Variants in UCP2 observed in about 807,000 individuals in gnomAD.
UCP2 encodes uncoupling protein 2.
Under a neutral mutation model 31.3 loss-of-function variants are expected in UCP2, and 27 were observed. The ratio of observed to expected loss-of-function variants is 0.86; its 90% CI spans 0.64 to 1.19. The LOEUF (loss-of-function observed/expected upper bound fraction) is 1.19, where lower values mean the gene tolerates loss of function less well. UCP2 is among the 50% of genes most tolerant of loss of function. The probability of loss-of-function intolerance (pLI) is 0.00; values close to 1 mark genes in which losing one functional copy is unlikely to be tolerated. For missense variants in UCP2, 377 were observed against 413.5 expected, an observed-to-expected ratio of 0.91 and a Z score of 0.76; for synonymous variants, 142 against 157.4, an observed-to-expected ratio of 0.90 and a Z score of 0.73.
chr11:73,981,985 G>T (rs1951464101), intron 1 of UCP2, among the ~76,000 whole-genome samples: 1 of 152,184 alleles, frequency 6.6e-6, no homozygotes. Flanking sequence ...CCCAGGTCGG[G>T]CTGTGAGGAG....
chr11:73,977,137 C>A, intron 4 of UCP2, 120 bp from the exon 5 acceptor site: 1 of 1,097,044 alleles, frequency 9.1e-7, no homozygotes, highest in Non-Finnish European at 1.3e-6. Flanking sequence ...AATCCAGAAG[C>A]TTTTGGCCTT....
rs201315561 is a variant in UCP2 at position 73,978,300 on chromosome 11, C to T, written c.79G>A (p.Ala27Thr). Residue 27 changes from alanine to threonine, a missense_variant, in exon 3 of 8, where the codon GCA becomes ACA. By Grantham distance (58) the Ala-to-Thr change is moderately conservative. Transcript: ENST00000663595. ...FLGAGTAACI[A>T]DLITFPLDTA... ...TCCAGAGGAAAGGTGATGAGATCTGCGATGCAGGCAGCTGTGCCAGCCCCA... is the reference window on the plus strand; with the variant it reads ...TCCAGAGGAAAGGTGATGAGATCTGTGATGCAGGCAGCTGTGCCAGCCCCA... 220 of 1,614,150 alleles carry T rather than the reference C, an allele frequency of 1.4e-4. 3 individuals are homozygous for T. In the Middle Eastern group the frequency reaches 1.6e-3, roughly 12 times the overall value.
intron 3 of UCP2, 38 bp from the exon 4 acceptor site, chr11:73,978,134 T>G: frequency 6.2e-7 from 1 of 1,613,984 alleles, no homozygotes; most frequent in Admixed American, 1.7e-5. Context: ...GGGATAAGCA[T>G]GTTGCCCTTC....
chr11:73,975,553 A>G lies in UCP2; in HGVS notation c.753T>C (p.Ser251=). Residue 251 remains serine (S), a synonymous_variant, in exon 7 of 8, where the codon AGT becomes AGC. Coordinates refer to ENST00000663595, the MANE Select transcript of UCP2 (RefSeq NM_003355.3). ...RYMNSALGQY[S]SAGHCALTML... is the part of the protein sequence containing the mutation. The stretch of plus-strand genomic sequence containing the variant: ...TGGTAAGGGCACAGTGGCCAGCGCT[A>G]CTGTACTGGCCCAGGGCAGAGTTCA... 6.2e-7 allele frequency: 1 copy of G among 1,614,058 alleles called. No homozygotes were observed. The highest frequency in any genetic ancestry group is 8.5e-7 in the Non-Finnish European group (1 of 1,180,004).
chr11:73,981,799 TCCCCAC>T (rs1324798158), intron 1 of UCP2, among the ~76,000 whole-genome samples, 167 bp from the exon 2 acceptor site: 1 of 151,734 alleles, frequency 6.6e-6, no homozygotes, highest in East Asian at 1.9e-4. Flanking sequence ...CTAGGTACAC[TCCCCAC>T]CCCCACCCCA....
intron 1 of UCP2, among the ~76,000 whole-genome samples, chr11:73,982,416 A>G (rs1390835425): frequency 6.6e-6 from 1 of 152,046 alleles, no homozygotes; most frequent in Non-Finnish European, 1.5e-5. Flanking sequence ...GCGAAACCCC[A>G]TCTCTACAAA....
Position 73,978,237 on chromosome 11 carries a change from G to A in UCP2, c.126+16C>T. ...AGAGTAGACACCATCAAGACTCCCA[G>A]GCTTCATCCCCTCACCTGTAACCGG... On this transcript the variant is annotated intron_variant, in intron 3 of 7. Transcript: ENST00000663595. 1 of 1,614,140 alleles carries A rather than the reference G, an allele frequency of 6.2e-7. No homozygotes were observed. The highest frequency in any genetic ancestry group is 8.5e-7 in the Non-Finnish European group (1 of 1,180,026).
chr11:73,975,512 C>A lies in UCP2; in HGVS notation c.794G>T (p.Gly265Val), dbSNP rs199642147. ...HCALTMLQKE[G>V]PRAFYKGFMP... ...TCACCCTTTGTAGAAGGCTCGGGGC[C>A]CCTCCTTCTGGAGCATGGTAAGGGC... The change falls in exon 7 of 8, where the codon GGG becomes GTG. Residue 265 changes from glycine to valine, a missense_variant. Transcript: ENST00000663595. 9 of 1,611,328 alleles carry A rather than the reference C, an allele frequency of 5.6e-6. No homozygotes were observed. In the Admixed American group the frequency reaches 1.2e-4, roughly 21 times the overall value.
At chr11:73,980,181 G>A (rs1257240429) in intron 2 of UCP2, 1 of 152,222 alleles carries the variant, frequency 6.6e-6, no homozygotes, top group Non-Finnish European at 1.5e-5. Context: ...TTCTTCCCCT[G>A]AGCTTATTTC....
At position 73,978,355 on chromosome 11, in the gene UCP2, A is replaced by T; in HGVS notation, c.24T>A (p.Asp8Glu). 1 of 1,614,230 alleles carries T rather than the reference A, an allele frequency of 6.2e-7. No individual in the cohort carries two copies. The highest frequency in any genetic ancestry group is 1.1e-5 in the South Asian group (1 of 91,082). Reference sequence around the variant, plus strand: ...ACTTCACAGTGGCAGTAGGGGGCACATCTGTGGCCTTGAACCCAACCATGA... The same window carrying T: ...ACTTCACAGTGGCAGTAGGGGGCACTTCTGTGGCCTTGAACCCAACCATGA... The part of the protein sequence containing the change: MVGFKAT[D>E]VPPTATVKFL... The change falls in exon 3 of 8, where the codon GAT becomes GAA. Residue 8 changes from aspartate to glutamate, a missense_variant. Transcript: ENST00000663595.
chr11:73,979,187 A>G (rs1951411695), intron 2 of UCP2, among the ~76,000 whole-genome samples: 1 of 152,174 alleles, frequency 6.6e-6, no homozygotes, highest in Non-Finnish European at 1.5e-5. Flanking sequence ...TACAGGACAT[A>G]CTCTCAAAAT....
intron 1 of UCP2, among the ~76,000 whole-genome samples, 178 bp from the exon 2 acceptor site, chr11:73,981,810 AC>A (rs1951459439): frequency 1.1e-5 from 1 of 94,638 alleles, no homozygotes; most frequent in Non-Finnish European, 2.2e-5. Flanking sequence ...CCCCACCCCC[AC>A]CCCACCTGCT....
intron 4 of UCP2, 45 bp downstream of exon 4, chr11:73,977,839 ACT>A: frequency 6.2e-7 from 1 of 1,611,352 alleles, no homozygotes; most frequent in Non-Finnish European, 8.5e-7. Flanking sequence ...ATCAATCATC[ACT>A]GAGAAAAAAG....
Position 73,976,830 on chromosome 11 carries a change from G to A in UCP2, c.525C>T (p.Leu175=). The change falls in exon 5 of 8, where the codon CTC becomes CTT. Residue 175 remains leucine, a synonymous_variant. Transcript: ENST00000663595. ...AAAACAACTGGTACACACCTTTCCAGAGGCCCCGGAACCCTTCCTCTCGGG... is the reference window on the plus strand; with the variant it reads ...AAAACAACTGGTACACACCTTTCCAAAGGCCCCGGAACCCTTCCTCTCGGG... ...TIAREEGFRG[L]WKGTSPNVAR... is the part of the protein sequence containing the mutation. 1 of 1,614,248 alleles carries A rather than the reference G, an allele frequency of 6.2e-7. No homozygotes were observed. The highest frequency in any genetic ancestry group is 1.1e-5 in the South Asian group (1 of 91,084).
At chr11:73,977,738 G>A in intron 4 of UCP2, 148 bp downstream of exon 4, 1 of 1,066,282 alleles carries the variant, frequency 9.4e-7, no homozygotes, top group Middle Eastern at 2.8e-4. Context: ...TAGGAACTAT[G>A]TGGAGGACCA....
chr11:73,977,802 A>G, intron 4 of UCP2, 84 bp downstream of exon 4: 5 of 1,588,818 alleles, frequency 3.1e-6, no homozygotes, highest in Non-Finnish European at 4.3e-6. Flanking sequence ...GTGGGGCCTA[A>G]AAAACTATAT....
In UCP2 at chr11:73,976,890, T is replaced by A. The variant is rs1443314258; in HGVS notation, c.465A>T (p.Arg155Ser). 33 of 1,614,028 alleles carry A rather than the reference T, an allele frequency of 2.0e-5. No individual in the cohort carries two copies. The highest frequency in any genetic ancestry group is 2.8e-5 in the Non-Finnish European group (33 of 1,180,002). The change falls in exon 5 of 8, where the codon AGA (arginine) becomes AGT (serine). Residue 155 changes from arginine (R) to serine (S), a missense_variant. Transcript: ENST00000663595. ...QAQARAGGGR[R>S]YQSTVNAYKT... Reference sequence around the variant, plus strand: ...TGTAGGCATTGACGGTGCTTTGGTATCTCCGACCACCTCCAGCCCGGGCCT... The same window carrying A: ...TGTAGGCATTGACGGTGCTTTGGTAACTCCGACCACCTCCAGCCCGGGCCT...
rs1215863153 is a variant in UCP2, at chr11:73,974,978, G to C, written c.*29C>G. ...CATGGCCCGGCTAGAGACAAAGCCAGAGGTGATCAGGTCAGCAGCAGGAGA... is the reference window on the plus strand; with the variant it reads ...CATGGCCCGGCTAGAGACAAAGCCACAGGTGATCAGGTCAGCAGCAGGAGA... On this transcript the variant is annotated 3_prime_UTR_variant, in exon 8 of 8. Transcript: ENST00000663595. The C allele has an allele frequency of 1.2e-5, 17 of 1,440,164 alleles. No homozygotes were observed. The highest frequency in any genetic ancestry group is 1.6e-5 in the African/African-American group (1 of 61,170). 89.2% of individuals were successfully genotyped at this position (1,440,164 alleles called of 1,614,324 possible).
chr11:73,976,911 G>A lies in UCP2; in HGVS notation c.444C>T (p.Ala148=). The part of the protein sequence containing the change: ...DVVKVRFQAQ[A]RAGGGRRYQS... ...GGTATCTCCGACCACCTCCAGCCCGGGCCTGAGCTTGGAATCGGACCTTTA... is the reference window on the plus strand; with the variant it reads ...GGTATCTCCGACCACCTCCAGCCCGAGCCTGAGCTTGGAATCGGACCTTTA... The change falls in exon 5 of 8, where the codon GCC becomes GCT. Residue 148 remains alanine (A), a synonymous_variant. Transcript: ENST00000663595. The A allele has an allele frequency of 6.2e-7, 1 of 1,614,036 alleles. No homozygotes were observed. The highest frequency in any genetic ancestry group is 1.1e-5 in the South Asian group (1 of 91,076).
Sources: gnomAD v4.1 joint callset for allele counts (sites outside exome capture counted in the v4.1 genomes callset) on GRCh38, gnomAD v4.1.1 for gene constraint, MANE v1.5 for transcripts, NCBI Gene and HGNC (gene_info 2026-07-23, HGNC 2026-07-21) for gene names.